The following RAB3GAP2 variants were observed in gnomAD, a reference collection of about 807,000 sequenced individuals.
RAB3GAP2 encodes rab3 GTPase-activating protein non-catalytic subunit.
A neutral mutation model predicts 185.3 loss-of-function variants in RAB3GAP2; 87 were observed. That is an observed-to-expected ratio of 0.47 (90% CI 0.39 to 0.56). The LOEUF (loss-of-function observed/expected upper bound fraction) is 0.56. Ranked by LOEUF, RAB3GAP2 falls within the 20% of genes least tolerant of loss-of-function variation. The pLI is 0.00. For missense variants in RAB3GAP2, 1,492 were observed against 1,638.2 expected, an observed-to-expected ratio of 0.91 and a Z score of 1.54; for synonymous variants, 554 against 576.1, an observed-to-expected ratio of 0.96 and a Z score of 0.55.
In RAB3GAP2 at chr1:220,149,298, G is replaced by C; in HGVS notation, c.*1953C>G. ...ACTTAATGATTTGTGTTAGGATTCT[G>C]TGAGCCATACTTCAGCTTATTATTG... is the stretch of plus-strand genomic sequence containing the variant. On this transcript the variant is annotated 3_prime_UTR_variant, in exon 35 of 35. Coordinates refer to ENST00000358951, the MANE Select transcript of RAB3GAP2 (RefSeq NM_012414.4). The C allele has an allele frequency of 6.6e-6, 1 of 152,042 alleles. No homozygotes were observed. Among genetic ancestry groups the C allele is most frequent in the East Asian group, 1.9e-4 (1 of 5,200 alleles). 9.4% of individuals were successfully genotyped at this position (152,042 alleles called of 1,614,324 possible). A position where few individuals can be genotyped will look rare whatever the true frequency, so the allele number is the denominator to read the frequency against.
chr1:220,246,240 A>G (rs904279806), intron 1 of RAB3GAP2, among the ~76,000 whole-genome samples: 2 of 152,240 alleles, frequency 1.3e-5, no homozygotes, highest in Admixed American at 1.3e-4. Flanking sequence ...CATTGCAGTT[A>G]GAACGGCAAT....
chr1:220,193,854 T>A (rs1024541639), intron 12 of RAB3GAP2, among the ~76,000 whole-genome samples: 5 of 152,312 alleles, frequency 3.3e-5, no homozygotes, highest in Admixed American at 2.0e-4. Flanking sequence ...TGTTGTTCTA[T>A]AATCAACCTC....
chr1:220,199,396 A>G (rs1658797611), intron 9 of RAB3GAP2, among the ~76,000 whole-genome samples: 1 of 152,168 alleles, frequency 6.6e-6, no homozygotes, highest in Non-Finnish European at 1.5e-5. Flanking sequence ...TTAAGACTAT[A>G]TTAATTTGGC....
intron 1 of RAB3GAP2, among the ~76,000 whole-genome samples, chr1:220,243,388 GT>G (rs1659736988): frequency 6.6e-6 from 1 of 151,376 alleles, no homozygotes; most frequent in Non-Finnish European, 1.5e-5. Context: ...ATAAACACAT[GT>G]ATTTACTACA....
chr1:220,185,628 C>T, intron 18 of RAB3GAP2, 23 bp downstream of exon 18: 2 of 1,557,142 alleles, frequency 1.3e-6, no homozygotes, highest in Non-Finnish European at 1.8e-6. Context: ...AACATAACCT[C>T]CAATCAGTAC....
intron 1 of RAB3GAP2, among the ~76,000 whole-genome samples, chr1:220,240,006 A>G: frequency 6.6e-6 from 1 of 151,270 alleles, no homozygotes. Context: ...AAAAAAAAAA[A>G]AGAACACCAC....
chr1:220,205,890 T>C lies in RAB3GAP2; in HGVS notation c.712+17A>G, dbSNP rs1442584328. ...CAAACATTAACAGAGGTTAAATATTTCTTGCCAAAATATTACCTTTTGCTA... is the reference window on the plus strand; with the variant it reads ...CAAACATTAACAGAGGTTAAATATTCCTTGCCAAAATATTACCTTTTGCTA... On this transcript the variant is annotated intron_variant, in intron 8 of 34. Coordinates refer to ENST00000358951, the MANE Select transcript of RAB3GAP2 (RefSeq NM_012414.4). The C allele has an allele frequency of 6.5e-7, 1 of 1,526,810 alleles. No individual in the cohort carries two copies. Among genetic ancestry groups the C allele is most frequent in the South Asian group, 1.1e-5 (1 of 88,730 alleles). 94.6% of individuals were successfully genotyped at this position (1,526,810 alleles called of 1,614,324 possible).
intron 3 of RAB3GAP2, 111 bp downstream of exon 3, chr1:220,213,741 GGGGA>G: frequency 3.3e-5 from 33 of 993,408 alleles, no homozygotes; most frequent in African/African-American, 7.2e-5. Flanking sequence ...TTGGGGGGGG[GGGGA>G]GAGAGAGAGA....
chr1:220,261,349 C>A (rs963245527), intron 1 of RAB3GAP2, among the ~76,000 whole-genome samples: 5 of 152,150 alleles, frequency 3.3e-5, no homozygotes, highest in African/African-American at 7.2e-5. Context: ...AGTACTCATT[C>A]AAAAATACTT....
intron 10 of RAB3GAP2, 129 bp from the exon 11 acceptor site, chr1:220,195,506 C>T: frequency 1.2e-6 from 1 of 832,878 alleles, no homozygotes; most frequent in Non-Finnish European, 2.0e-6. Context: ...CAGCTTCTTT[C>T]AGAGTACAGT....
rs372146309 is a variant in RAB3GAP2 at position 220,231,212 on chromosome 1, C to T, written c.180+1587G>A. Among the ~76,000 whole-genome samples, 13 of 152,310 alleles carry T rather than the reference C, an allele frequency of 8.5e-5. No individual in the cohort carries two copies. In the South Asian group the frequency reaches 2.3e-3, roughly 27 times the overall value. On this transcript the variant is annotated intron_variant, in intron 2 of 34. Coordinates refer to ENST00000358951, the MANE Select transcript of RAB3GAP2 (RefSeq NM_012414.4). ...GAACAGTCTCAGTCCTGCTACATCACACTGGCCTTCTTTATGTCCCTTCAA... is the reference window on the plus strand; with the variant it reads ...GAACAGTCTCAGTCCTGCTACATCATACTGGCCTTCTTTATGTCCCTTCAA...
intron 21 of RAB3GAP2, among the ~76,000 whole-genome samples, chr1:220,178,454 CAAT>C (rs754353935): frequency 7.2e-5 from 11 of 151,998 alleles, no homozygotes; most frequent in Non-Finnish European, 1.3e-4. Context: ...TGTTAAGAGA[CAAT>C]AACATAAAAT....
chr1:220,271,782 G>A (rs563414295), intron 1 of RAB3GAP2, among the ~76,000 whole-genome samples: 14 of 152,156 alleles, frequency 9.2e-5, no homozygotes, highest in African/African-American at 2.7e-4. Flanking sequence ...GTGGGAGCTG[G>A]GGCAATACCA....
intron 1 of RAB3GAP2, among the ~76,000 whole-genome samples, chr1:220,241,215 T>C (rs1659691805): frequency 6.6e-6 from 1 of 152,114 alleles, no homozygotes. Context: ...AAACTGAGTG[T>C]ATGTTTTTTT....
chr1:220,155,019 C>T (rs1171399262), intron 31 of RAB3GAP2, among the ~76,000 whole-genome samples: 1 of 152,188 alleles, frequency 6.6e-6, no homozygotes, highest in Admixed American at 6.5e-5. Flanking sequence ...GCCACCGCGC[C>T]CAGCCTCTGA....
chr1:220,185,094 T>C (rs1203495917), intron 18 of RAB3GAP2, among the ~76,000 whole-genome samples: 2 of 152,166 alleles, frequency 1.3e-5, no homozygotes, highest in African/African-American at 4.8e-5. Context: ...ATTTAACTGA[T>C]GTTAGGAATT....
intron 1 of RAB3GAP2, among the ~76,000 whole-genome samples, chr1:220,236,445 G>A (rs1359137620): frequency 1.3e-5 from 2 of 151,994 alleles, no homozygotes; most frequent in Admixed American, 6.6e-5. Flanking sequence ...CAAAGTGCTG[G>A]GATTATAGGC....
intron 31 of RAB3GAP2, among the ~76,000 whole-genome samples, chr1:220,154,709 G>A (rs1657825273): frequency 6.8e-6 from 1 of 147,416 alleles, no homozygotes; most frequent in East Asian, 2.0e-4. Context: ...ATACATATAT[G>A]TACCCTGAAT....
At position 220,150,102 on chromosome 1, in the gene RAB3GAP2, TTTTC is replaced by T. The variant is rs1285132947; in HGVS notation, c.*1145_*1148del. ...TTACAGAGTTTTGGTTAGTTTGGTTTTTTCTTTTTTTTTTTTTTTTCGAGACAGG... is the reference window on the plus strand; with the variant it reads ...TTACAGAGTTTTGGTTAGTTTGGTTTTTTTTTTTTTTTTTTTCGAGACAGG... On this transcript the variant is annotated 3_prime_UTR_variant, in exon 35 of 35. Transcript: ENST00000358951. The T allele has an allele frequency of 1.3e-3, 166 of 130,466 alleles. No individual in the cohort carries two copies. The highest frequency in any genetic ancestry group is 5.2e-3 in the African/African-American group (159 of 30,680). The allele number at this position is 130,466 out of a possible 1,614,324, so 8.1% of individuals were successfully genotyped here. A position where few individuals can be genotyped will look rare whatever the true frequency, so the allele number is the denominator to read the frequency against.
Sources: allele counts gnomAD v4.1 joint callset (sites outside exome capture counted in the v4.1 genomes callset), GRCh38; gene constraint gnomAD v4.1.1; transcripts MANE v1.5; gene names NCBI Gene and HGNC (gene_info 2026-07-23, HGNC 2026-07-21).